Variants in CLTCL1 observed in about 807,000 individuals in gnomAD.
CLTCL1 encodes the protein clathrin heavy chain 2.
A neutral mutation model predicts 190.0 loss-of-function variants in CLTCL1; 159 were observed. The ratio of observed to expected loss-of-function variants is 0.84; its 90% confidence interval spans 0.74 to 0.95. The LOEUF is 0.95. CLTCL1 is among the 40% of genes least tolerant of loss of function. The pLI, the probability that CLTCL1 is intolerant of heterozygous loss-of-function variation, is 0.00. For missense variants in CLTCL1, 1,878 were observed against 2,033.4 expected (o/e 0.92, Z 1.47); for synonymous variants, 752 against 769.6 (o/e 0.98, Z 0.38).
intron 10 of CLTCL1, among the ~76,000 whole-genome samples, chr22:19,231,248 T>C (rs529069964): frequency 2.6e-5 from 4 of 152,302 alleles, no homozygotes; most frequent in Admixed American, 2.6e-4. Flanking sequence ...ATATCTGAGA[T>C]AGGGTCTCAC....
chr22:19,189,941 A>G (rs1280037911), intron 27 of CLTCL1, among the ~76,000 whole-genome samples: 1 of 152,164 alleles, frequency 6.6e-6, no homozygotes, highest in Non-Finnish European at 1.5e-5. Context: ...CTATTTTGAA[A>G]TGCACAATAA....
intron 2 of CLTCL1, among the ~76,000 whole-genome samples, chr22:19,267,063 A>T (rs2087143677): frequency 1.3e-5 from 2 of 152,228 alleles, no homozygotes; most frequent in South Asian, 2.1e-4. Flanking sequence ...CACAGATAAC[A>T]TGATACAGTA....
At chr22:19,254,288 A>G (rs1383336530) in intron 2 of CLTCL1, 61 bp from the exon 3 acceptor site, 3 of 1,365,742 alleles carry the variant, frequency 2.2e-6, no homozygotes, top group Admixed American at 1.9e-5. Context: ...AGACAAATTC[A>G]TATACTCTTA....
At position 19,221,500 on chromosome 22, in the gene CLTCL1, C is replaced by T. The variant is rs782495269; in HGVS notation, c.2673G>A (p.Glu891=). The T allele has an allele frequency of 6.2e-7, 1 of 1,602,104 alleles. No homozygotes were observed. Among genetic ancestry groups the T allele is most frequent in the Non-Finnish European group, 8.5e-7 (1 of 1,174,202 alleles). Residue 891 remains glutamate, a synonymous_variant, in exon 17 of 33, where the codon GAG becomes GAA. Coordinates refer to ENST00000427926, the MANE Select transcript of CLTCL1 (RefSeq NM_007098.4). ...AGTAGGCATTCTCTCTCAGGAAGCA[C>T]TCGGGGCTGTTGTTGCTGTCGATGT... is the stretch of plus-strand genomic sequence containing the variant. ...KIYIDSNNSP[E]CFLRENAYYD...
At chr22:19,242,259 G>C (rs5748067) in intron 4 of CLTCL1, among the ~76,000 whole-genome samples, 1 of 151,576 alleles carries the variant, frequency 6.6e-6, no homozygotes, top group Non-Finnish European at 1.5e-5. Context: ...CTTACCTTTA[G>C]AGTGCATTTC....
chr22:19,285,603 C>G (rs1250859826), intron 1 of CLTCL1, among the ~76,000 whole-genome samples: 21 of 152,142 alleles, frequency 1.4e-4, no homozygotes, highest in African/African-American at 5.1e-4. Context: ...CTTTGCTATC[C>G]CAGCTTTGTG....
rs56410068 is a variant in CLTCL1 at position 19,274,730 on chromosome 22, CTTTT to C, written c.250+889_250+892del. On this transcript the variant is annotated intron_variant, in intron 2 of 32. Transcript: ENST00000427926. ...AAACAGTTTTTGCTTTTCTTTGTTTCTTTTTTTTTTTTTTTTGAGACCGATTTTT... is the reference window on the plus strand; with the variant it reads ...AAACAGTTTTTGCTTTTCTTTGTTTCTTTTTTTTTTTTGAGACCGATTTTT... 3.7e-5 allele frequency among the ~76,000 whole-genome samples: 5 copies of C among 135,828 alleles called. 1 individual carries two copies. Among genetic ancestry groups the C allele is most frequent in the Admixed American group, 7.4e-5 (1 of 13,488 alleles). 89.1% of individuals were successfully genotyped at this position (135,828 alleles called of 152,430 possible).
chr22:19,217,342 C>T (rs807471), intron 18 of CLTCL1, among the ~76,000 whole-genome samples: 8,899 of 152,116 alleles, frequency 0.059, 331 homozygotes, highest in Middle Eastern at 0.16. Context: ...GGAGGCCGGC[C>T]GCGGTGGCTC....
intron 2 of CLTCL1, chr22:19,258,185 G>A (rs2086826728): frequency 2.9e-6 from 1 of 347,900 alleles, no homozygotes; most frequent in Non-Finnish European, 5.6e-6. Flanking sequence ...GGGAGTAAAA[G>A]GCCTACAAGC....
chr22:19,263,199 T>G (rs2087008623), intron 2 of CLTCL1, among the ~76,000 whole-genome samples: 2 of 151,598 alleles, frequency 1.3e-5, no homozygotes, highest in Admixed American at 1.3e-4. Context: ...GCTCAAGATA[T>G]TCTCCCATCT....
chr22:19,262,336 T>C (rs2086975947), intron 2 of CLTCL1, among the ~76,000 whole-genome samples: 4 of 151,520 alleles, frequency 2.6e-5, no homozygotes, highest in South Asian at 2.1e-4. Context: ...TGATGTCTTA[T>C]TTTAAGAAAT....
intron 30 of CLTCL1, chr22:19,181,167 G>A (rs1350988025): frequency 7.6e-6 from 2 of 264,310 alleles, no homozygotes; most frequent in African/African-American, 2.2e-5. Flanking sequence ...CAGGGCTGGG[G>A]CCATGTGCAG....
In CLTCL1 at chr22:19,222,780, G is replaced by A; in HGVS notation, c.2322C>T (p.Leu774=). 6.2e-7 allele frequency: 1 copy of A among 1,600,458 alleles called. No homozygotes were observed. Among genetic ancestry groups the A allele is most frequent in the South Asian group, 1.1e-5 (1 of 88,224 alleles). Residue 774 remains leucine (L), a synonymous_variant, in exon 15 of 33, where the codon CTC becomes CTT. Transcript: ENST00000427926. ...AGCCAAAACGATCACACACGATGAT[G>A]AGGGGAAGCTGGTCTGTGAGCTTGG... The part of the protein sequence containing the change: ...KEAKLTDQLP[L]IIVCDRFGFV...
intron 18 of CLTCL1, among the ~76,000 whole-genome samples, chr22:19,217,294 C>A (rs2085414498): frequency 6.6e-6 from 1 of 152,148 alleles, no homozygotes; most frequent in African/African-American, 2.4e-5. Flanking sequence ...AGGTACACTT[C>A]CAACAGTGAC....
chr22:19,204,095 C>G (rs1324031679), intron 22 of CLTCL1, among the ~76,000 whole-genome samples: 1 of 152,240 alleles, frequency 6.6e-6, no homozygotes, highest in Non-Finnish European at 1.5e-5. Context: ...TTGTCCTTCA[C>G]TCTGTTTGTA....
chr22:19,291,691 C>T lies in CLTCL1; in HGVS notation c.-50G>A. On this transcript the variant is annotated 5_prime_UTR_variant, in exon 1 of 33. Transcript: ENST00000427926. The stretch of plus-strand genomic sequence containing the variant: ...GCGGCGGCAGCGGCAGGAATGAACG[C>T]CGACCCCTCGCGCGGGCTGACCGGT... The T allele has an allele frequency of 7.5e-7, 1 of 1,327,406 alleles. No homozygotes were observed. The highest frequency in any genetic ancestry group is 9.7e-7 in the Non-Finnish European group (1 of 1,029,060). The allele number at this position is 1,327,406 out of a possible 1,614,324, so 82.2% of individuals were successfully genotyped here.
At chr22:19,234,475 T>G (rs1432152217) in intron 7 of CLTCL1, 34 bp downstream of exon 7, 14 of 1,562,022 alleles carry the variant, frequency 9.0e-6, no homozygotes, top group Non-Finnish European at 1.1e-5. Context: ...TTCTTAACAC[T>G]CAGAACACTT....
Position 19,216,155 on chromosome 22 carries a change from C to T in CLTCL1, c.3021G>A (p.Leu1007=), listed in dbSNP as rs1290374218. ...TADLPNELIE[L]LEKIVLDNSV... is the part of the protein sequence containing the mutation. The stretch of plus-strand genomic sequence containing the variant: ...AGTTATCCAGAACTATCTTCTCCAG[C>T]AGTTCAATCAGTTCATTAGGCAGGT... Residue 1007 remains leucine, a synonymous_variant, in exon 19 of 33, where the codon CTG becomes CTA. Coordinates refer to ENST00000427926, the MANE Select transcript of CLTCL1 (RefSeq NM_007098.4). 5.6e-6 allele frequency: 9 copies of T among 1,613,830 alleles called. No individual in the cohort carries two copies. Among genetic ancestry groups the T allele is most frequent in the Non-Finnish European group, 6.8e-6 (8 of 1,179,858 alleles).
Position 19,254,172 on chromosome 22 carries a change from A to T in CLTCL1, c.306T>A (p.His102Gln). Residue 102 changes from histidine to glutamine, a missense_variant, in exon 3 of 33, where the codon CAT becomes CAA. Transcript: ENST00000427926. ...NIEMKSKMKA[H>Q]TMAEEVIFWK... Reference sequence around the variant, plus strand: ...AGAAAATCACTTCTTCTGCCATAGTATGAGCCTTCATTTTACTCTTCATCT... The same window carrying T: ...AGAAAATCACTTCTTCTGCCATAGTTTGAGCCTTCATTTTACTCTTCATCT... 1 of 1,613,906 alleles carries T rather than the reference A, an allele frequency of 6.2e-7. No homozygotes were observed. The highest frequency in any genetic ancestry group is 8.5e-7 in the Non-Finnish European group (1 of 1,179,796).
Sources: allele counts gnomAD v4.1 joint callset (sites outside exome capture counted in the v4.1 genomes callset), GRCh38; gene constraint gnomAD v4.1.1; transcripts MANE v1.5; gene names NCBI Gene and HGNC (gene_info 2026-07-23, HGNC 2026-07-21).